Variants in DPP6 observed in about 807,000 individuals in gnomAD.
DPP6 encodes the protein dipeptidyl peptidase like 6, also known as A-type potassium channel modulatory protein DPP6.
DPP6 carries 69 observed loss-of-function variants against 122.6 expected under a neutral mutation model. The ratio of observed to expected loss-of-function variants is 0.56; its 90% confidence interval spans 0.46 to 0.69. The LOEUF (loss-of-function observed/expected upper bound fraction) is 0.69, where lower values mean the gene tolerates loss of function less well. Among genes scored for constraint, DPP6 ranks in the 30% least tolerant of loss-of-function variants. The pLI is 0.00. For missense variants in DPP6, 928 were observed against 1,116.9 expected, an observed-to-expected ratio of 0.83 and a Z score of 2.41; for synonymous variants, 418 against 433.1, an observed-to-expected ratio of 0.97 and a Z score of 0.43.
chr7:154,071,401 G>A (rs1174899349), intron 1 of DPP6, among the ~76,000 whole-genome samples: 1 of 152,226 alleles, frequency 6.6e-6, no homozygotes, highest in Non-Finnish European at 1.5e-5. Context: ...TCGAAGCGGG[G>A]TGAGAATTCA....
chr7:154,103,018 G>T (rs555390008), intron 1 of DPP6, among the ~76,000 whole-genome samples: 1 of 152,158 alleles, frequency 6.6e-6, no homozygotes, highest in South Asian at 2.1e-4. Context: ...GGGTCAGAGG[G>T]TTGGCCTGGT....
chr7:154,656,154 G>A lies in DPP6; in HGVS notation c.681-13206G>A, dbSNP rs904713157. Among the ~76,000 whole-genome samples, 12 of 148,732 alleles carry A rather than the reference G, an allele frequency of 8.1e-5. No homozygotes were observed. The East Asian group carries it at 1.8e-3, about 22-fold the overall frequency. On this transcript the variant is annotated intron_variant, in intron 6 of 25. Transcript: ENST00000377770. ...TGGGCAGAGAAGATCCCACAGAGAC[G>A]AGGACCAGAGAGGGAGGTGGGGGGA...
the DPP6 span, among the ~76,000 whole-genome samples, chr7:153,812,988 A>C: frequency 6.6e-6 from 1 of 152,182 alleles, no homozygotes; most frequent in Non-Finnish European, 1.5e-5. Context: ...AAACGCTGGA[A>C]TCCTGCATCA....
At chr7:153,855,941 C>A in the DPP6 span, among the ~76,000 whole-genome samples, 1 of 152,270 alleles carries the variant, frequency 6.6e-6, no homozygotes, top group East Asian at 1.9e-4. Context: ...TTTCTCCCAA[C>A]TATTATGTAG....
chr7:153,893,726 A>G lies in DPP6; in HGVS notation c.51+5992A>G, dbSNP rs564918497. 5.3e-5 allele frequency among the ~76,000 whole-genome samples: 8 copies of G among 152,354 alleles called. No individual in the cohort carries two copies. In the South Asian group the frequency reaches 1.2e-3, roughly 24 times the overall value. Reference sequence around the variant, plus strand: ...ATAGAGAGCAATCTCTCAACTTAAAATGTTTTACTTGGGAAGCAAGAATTG... The same window carrying G: ...ATAGAGAGCAATCTCTCAACTTAAAGTGTTTTACTTGGGAAGCAAGAATTG... On this transcript the variant is annotated intron_variant, in intron 1 of 25. Coordinates refer to the DPP6 transcript ENST00000404039.
At chr7:153,887,628 C>T (rs1057123177) in exon 1 of DPP6, 197 of 1,599,492 alleles carry the variant, frequency 1.2e-4, no homozygotes, top group Non-Finnish European at 1.5e-4. Context: ...CTCACCAGGA[C>T]AATGGATTAA....
chr7:154,727,742 A>T, intron 7 of DPP6, 25 bp from the exon 8 acceptor site: 1 of 1,589,948 alleles, frequency 6.3e-7, no homozygotes, highest in Non-Finnish European at 8.6e-7. Context: ...GCTTAATATT[A>T]TGCTTTTTTC....
chr7:154,008,810 C>T (rs1414092946), intron 1 of DPP6, among the ~76,000 whole-genome samples: 1 of 151,540 alleles, frequency 6.6e-6, no homozygotes, highest in East Asian at 1.9e-4. Flanking sequence ...TACAGGCGCC[C>T]GCCACTACGC....
At chr7:154,305,011 GGCCCCCTCCCCAGCCCCAGCCCCA>G (rs1367701323) in intron 1 of DPP6, 1 of 151,068 alleles carries the variant, frequency 6.6e-6, no homozygotes, top group East Asian at 2.0e-4. Context: ...CTGCCTCCGC[GGCCCCCTCCCCAGCCCCAGCCCCA>G]GCCCCAGCCC....
At chr7:154,354,029 T>C (rs1477346604) in intron 1 of DPP6, among the ~76,000 whole-genome samples, 1 of 152,202 alleles carries the variant, frequency 6.6e-6, no homozygotes. Flanking sequence ...TCAAGCACTG[T>C]GCTAAGCCCA....
intron 16 of DPP6, among the ~76,000 whole-genome samples, chr7:154,807,915 A>G (rs1057141648): frequency 6.6e-6 from 1 of 152,234 alleles, no homozygotes; most frequent in Admixed American, 6.5e-5. Flanking sequence ...AATTTATCCC[A>G]AACTGCAAGA....
At chr7:153,964,637 C>G (rs542258698) in intron 1 of DPP6, among the ~76,000 whole-genome samples, 1 of 152,246 alleles carries the variant, frequency 6.6e-6, no homozygotes, top group South Asian at 2.1e-4. Context: ...GAACAGTAGG[C>G]TGGTTGGGCC....
intron 1 of DPP6, among the ~76,000 whole-genome samples, chr7:154,312,702 A>G (rs983492997): frequency 6.6e-6 from 1 of 152,144 alleles, no homozygotes; most frequent in Non-Finnish European, 1.5e-5. Flanking sequence ...CTCTCTCAAA[A>G]CACTTTAAAA....
intron 7 of DPP6, among the ~76,000 whole-genome samples, chr7:154,674,232 G>T (rs761927179): frequency 2.0e-5 from 3 of 152,160 alleles, no homozygotes; most frequent in East Asian, 1.9e-4. Context: ...CCATGTGTTT[G>T]TCTGTTTATG....
intron 4 of DPP6, among the ~76,000 whole-genome samples, chr7:154,565,320 G>A (rs1289034746): frequency 6.6e-6 from 1 of 152,128 alleles, no homozygotes; most frequent in Non-Finnish European, 1.5e-5. Context: ...ATAGAACAAA[G>A]CAACCATAAA....
chr7:154,832,712 A>G (rs761591418), intron 16 of DPP6, among the ~76,000 whole-genome samples: 25 of 151,974 alleles, frequency 1.6e-4, no homozygotes, highest in Non-Finnish European at 1.6e-4. Flanking sequence ...AGTCCCAGAA[A>G]TCTCCTCCAC....
chr7:154,712,854 C>G (rs1841269791), intron 7 of DPP6, among the ~76,000 whole-genome samples: 1 of 152,152 alleles, frequency 6.6e-6, no homozygotes. Flanking sequence ...ATCTCATGTC[C>G]TCACAATTCA....
chr7:153,854,595 C>A, the DPP6 span, among the ~76,000 whole-genome samples: 2 of 124,358 alleles, frequency 1.6e-5, no homozygotes, highest in African/African-American at 6.4e-5. Flanking sequence ...ACAACAGGTG[C>A]TGGAGAGGAT....
intron 1 of DPP6, among the ~76,000 whole-genome samples, chr7:154,046,329 T>G (rs1800015928): frequency 6.6e-6 from 1 of 152,182 alleles, no homozygotes; most frequent in African/African-American, 2.4e-5. Context: ...TTAGTCCAAG[T>G]AAGTCACATG....
Sources: allele counts gnomAD v4.1 joint callset (sites outside exome capture counted in the v4.1 genomes callset), GRCh38; gene constraint gnomAD v4.1.1; transcripts MANE v1.5; gene names NCBI Gene and HGNC (gene_info 2026-07-23, HGNC 2026-07-21).